The following LMOD2 variants were observed in gnomAD, a reference collection of about 807,000 sequenced individuals.
LMOD2 encodes the protein leiomodin 2.
Under a neutral mutation model 41.7 loss-of-function variants are expected in LMOD2, and 27 were observed. The ratio of observed to expected loss-of-function variants is 0.65; its 90% CI spans 0.48 to 0.89. The LOEUF (loss-of-function observed/expected upper bound fraction) is 0.89. Ranked by LOEUF, LMOD2 falls within the 40% of genes least tolerant of loss-of-function variation. The pLI is 0.00. For synonymous variants in LMOD2, 251 were observed against 244.6 expected, an observed-to-expected ratio of 1.03 and a Z score of -0.25; for missense variants, 624 against 667.9, an observed-to-expected ratio of 0.93 and a Z score of 0.72.
At position 123,662,775 on chromosome 7, in the gene LMOD2, C is replaced by A; in HGVS notation, c.1189C>A (p.Pro397Thr). ...ACCTTATGTATCTCCCAGGCACTCACCCTGGTCATCCCCAAAACTCCCCAA... is the reference window on the plus strand; with the variant it reads ...ACCTTATGTATCTCCCAGGCACTCAACCTGGTCATCCCCAAAACTCCCCAA... ...SSPYVSPRHS[P>T]WSSPKLPKKV... Residue 397 changes from proline (P) to threonine (T), a missense_variant, in exon 2 of 3, where the codon CCC (proline) becomes ACC (threonine). Coordinates refer to ENST00000458573, the MANE Select transcript of LMOD2 (RefSeq NM_207163.3). This position sits in a 1 kb window ranked among gnomAD's most constrained non-coding sequence, Gnocchi z 4.0. 6.2e-7 allele frequency: 1 copy of A among 1,613,928 alleles called. No individual in the cohort carries two copies. The highest frequency in any genetic ancestry group is 8.5e-7 in the Non-Finnish European group (1 of 1,179,892).
At chr7:123,660,572 C>T (rs1455034523) in intron 1 of LMOD2, among the ~76,000 whole-genome samples, 2 of 135,532 alleles carry the variant, frequency 1.5e-5, no homozygotes, top group African/African-American at 5.4e-5. Flanking sequence ...CTTCAGGCAG[C>T]GGGCGCCCTC....
chr7:123,663,417 C>A, intron 2 of LMOD2: 1 of 652,526 alleles, frequency 1.5e-6, no homozygotes, highest in African/African-American at 1.8e-5. Context: ...CTTTCCCAGC[C>A]TCTCAATCAT....
At position 123,664,032 on chromosome 7, in the gene LMOD2, GT is replaced by G; in HGVS notation, c.*289del. ...TGTTGGTAACTCCGAGTTGTAATGA[GT>G]TCATGAAATGTGCTGTTATTTTTGT... On this transcript the variant is annotated 3_prime_UTR_variant, in exon 3 of 3. Transcript: ENST00000458573. The G allele has an allele frequency of 5.6e-6, 2 of 355,078 alleles. No individual in the cohort carries two copies. The highest frequency in any genetic ancestry group is 1.0e-5 in the Non-Finnish European group (2 of 198,126). The allele number at this position is 355,078 out of a possible 1,614,324, so 22.0% of individuals were successfully genotyped here.
At chr7:123,660,991 T>A (rs997697045) in intron 1 of LMOD2, among the ~76,000 whole-genome samples, 2 of 152,206 alleles carry the variant, frequency 1.3e-5, no homozygotes, top group African/African-American at 4.8e-5. Flanking sequence ...CAAGGGTGAT[T>A]ATCTTTCCCA....
At chr7:123,657,257 G>A (rs925519789) in intron 1 of LMOD2, among the ~76,000 whole-genome samples, 19 of 152,108 alleles carry the variant, frequency 1.2e-4, no homozygotes, top group African/African-American at 3.6e-4. Context: ...AAATTCTTCC[G>A]GAATTATGGA....
rs1486329178 is a variant in LMOD2, at chr7:123,663,061, T to C, written c.1475T>C (p.Ile492Thr). ...GKKVKKQPNS[I>T]LKEIKNSLRS... The stretch of plus-strand genomic sequence containing the variant: ...AAGGTCAAGAAACAGCCAAACAGTA[T>C]TCTAAAGGAAATAAAAAATTCTCTG... The change falls in exon 2 of 3, where the codon ATT becomes ACT. Residue 492 changes from isoleucine to threonine, a missense_variant. Physicochemically the swap from Ile to Thr is moderately conservative, Grantham distance 89. Transcript: ENST00000458573. 4 of 1,557,090 alleles carry C rather than the reference T, an allele frequency of 2.6e-6. No homozygotes were observed. The Admixed American group carries it at 7.8e-5, about 30-fold the overall frequency.
Position 123,662,759 on chromosome 7 carries a change from A to T in LMOD2, c.1173A>T (p.Val391=). 6.2e-7 allele frequency: 1 copy of T among 1,613,926 alleles called. No individual in the cohort carries two copies. The highest frequency in any genetic ancestry group is 1.1e-5 in the South Asian group (1 of 91,078). Residue 391 remains valine, a synonymous_variant, in exon 2 of 3, where the codon GTA becomes GTT. Transcript: ENST00000458573. The surrounding 1 kb of genome is among the most constrained non-coding windows in gnomAD (Gnocchi z 4.0). ...QRGTPSSSPY[V]SPRHSPWSSP... is the part of the protein sequence containing the mutation. ...GAACACCTAGCTCTTCACCTTATGT[A>T]TCTCCCAGGCACTCACCCTGGTCAT...
At chr7:123,659,094 A>G (rs2116734138) in intron 1 of LMOD2, among the ~76,000 whole-genome samples, 2 of 152,334 alleles carry the variant, frequency 1.3e-5, no homozygotes, top group East Asian at 3.9e-4. Flanking sequence ...CAATTAACAC[A>G]TACTTTGAAT....
In LMOD2 at chr7:123,662,881, C is replaced by A; in HGVS notation, c.1295C>A (p.Pro432His). The change falls in exon 2 of 3, where the codon CCT (proline) becomes CAT (histidine). Residue 432 changes from proline to histidine, a missense_variant. By Grantham distance (77) the Pro-to-His change is moderately conservative. Transcript: ENST00000458573. The surrounding 1 kb of genome is among the most constrained non-coding windows in gnomAD (Gnocchi z 4.0). ...CCTCCCCCTCCTCCTCCTCCTCCCC[C>A]TCCTTCTTCCCAAAGGCTGCCACCA... ...PPPPPPPPPP[P>H]PSSQRLPPPP... The A allele has an allele frequency of 1.3e-6, 2 of 1,557,610 alleles. No homozygotes were observed. Among genetic ancestry groups the A allele is most frequent in the East Asian group, 2.4e-5 (1 of 41,654 alleles).
chr7:123,656,523 G>C (rs1802790242), intron 1 of LMOD2, among the ~76,000 whole-genome samples: 2 of 152,150 alleles, frequency 1.3e-5, no homozygotes, highest in Non-Finnish European at 2.9e-5. Context: ...TCAATATTTT[G>C]CCAAACATAA....
At chr7:123,661,197 T>A (rs1191742555) in intron 1 of LMOD2, among the ~76,000 whole-genome samples, 1 of 152,212 alleles carries the variant, frequency 6.6e-6, no homozygotes, top group Admixed American at 6.5e-5. Flanking sequence ...CTCAGGTGAT[T>A]CAGAGAGTCT....
intron 1 of LMOD2, 71 bp downstream of exon 1, chr7:123,656,307 T>G (rs768567589): frequency 6.9e-7 from 1 of 1,449,638 alleles, no homozygotes; most frequent in Non-Finnish European, 9.3e-7. Flanking sequence ...AGACACTTGT[T>G]TTCCCTAACT....
At chr7:123,660,988 G>A (rs1802867315) in intron 1 of LMOD2, among the ~76,000 whole-genome samples, 1 of 152,304 alleles carries the variant, frequency 6.6e-6, no homozygotes, top group East Asian at 1.9e-4. Context: ...TGCCAAGGGT[G>A]ATTATCTTTC....
chr7:123,658,379 G>A (rs984311125), intron 1 of LMOD2, among the ~76,000 whole-genome samples: 7 of 152,214 alleles, frequency 4.6e-5, no homozygotes, highest in Admixed American at 1.3e-4. Context: ...CTGTTGGGTG[G>A]CTGGGGGAGC....
At chr7:123,656,271 C>T (rs1268864600) in intron 1 of LMOD2, 35 bp downstream of exon 1, 1 of 1,565,064 alleles carries the variant, frequency 6.4e-7, no homozygotes, top group African/African-American at 1.4e-5. Context: ...GCTAACCCCA[C>T]CTCCCCATCA....
At position 123,657,976 on chromosome 7, in the gene LMOD2, A is replaced by G. The variant is rs74920791; in HGVS notation, c.273+1740A>G. Among the ~76,000 whole-genome samples, 1,141 of 146,434 alleles carry G rather than the reference A, an allele frequency of 7.8e-3. 18 individuals are homozygous for G. The highest frequency in any genetic ancestry group is 0.028 in the African/African-American group (1,095 of 39,594). ...CTGCACTCAGCCTGAGCCACAAACC[A>G]AAACCTTGTCTCATTAAAAAAAAAA... On this transcript the variant is annotated intron_variant, in intron 1 of 2. Coordinates refer to ENST00000458573, the MANE Select transcript of LMOD2 (RefSeq NM_207163.3).
chr7:123,656,967 T>C (rs1055372666), intron 1 of LMOD2, among the ~76,000 whole-genome samples: 3 of 152,188 alleles, frequency 2.0e-5, no homozygotes, highest in Non-Finnish European at 4.4e-5. Context: ...AACTTTTGCA[T>C]AGAATTTCAA....
chr7:123,656,591 C>G (rs1802791414), intron 1 of LMOD2, among the ~76,000 whole-genome samples: 1 of 152,176 alleles, frequency 6.6e-6, no homozygotes. Flanking sequence ...AAGATACATG[C>G]ATACGTATAA....
Position 123,663,775 on chromosome 7 carries a change from C to A in LMOD2, c.*30C>A, listed in dbSNP as rs1463915439. On this transcript the variant is annotated 3_prime_UTR_variant, in exon 3 of 3. Transcript: ENST00000458573. ...ATGATCTTTAGAAGAGGATGCAGAA[C>A]TGTTCAGTGGTATTACATGAAATGC... is the stretch of plus-strand genomic sequence containing the variant. 1 of 1,559,288 alleles carries A rather than the reference C, an allele frequency of 6.4e-7. No homozygotes were observed. The highest frequency in any genetic ancestry group is 8.7e-7 in the Non-Finnish European group (1 of 1,147,626).
Sources: gnomAD v4.1 joint callset for allele counts (sites outside exome capture counted in the v4.1 genomes callset) on GRCh38, gnomAD v4.1.1 for gene constraint, Gnocchi (gnomAD v3.1) non-coding constraint, MANE v1.5 for transcripts, NCBI Gene and HGNC (gene_info 2026-07-23, HGNC 2026-07-21) for gene names.